STAB1: variants seen among roughly 807,000 people sequenced by gnomAD.
The protein encoded by STAB1 is stabilin-1.
STAB1 carries 250 observed loss-of-function variants against 332.4 expected under a neutral mutation model. That is an observed-to-expected ratio of 0.75 (90% CI 0.68 to 0.84). STAB1 has a LOEUF of 0.84. Ranked by LOEUF, STAB1 falls within the 40% of genes least tolerant of loss-of-function variation. The probability of loss-of-function intolerance (pLI) is 0.00; values close to 1 mark genes in which losing one functional copy is unlikely to be tolerated. For synonymous variants in STAB1, 1,475 were observed against 1,390.4 expected (o/e 1.06, Z -1.35); for missense variants, 3,249 against 3,489.7 (o/e 0.93, Z 1.74).
At position 52,516,108 on chromosome 3, in the gene STAB1, G is replaced by A. The variant is rs767729734; in HGVS notation, c.4014G>A (p.Gly1338=). 7.1e-5 allele frequency: 115 copies of A among 1,611,780 alleles called. No homozygotes were observed. The highest frequency in any genetic ancestry group is 9.4e-5 in the Non-Finnish European group (111 of 1,179,562). ...LCEPCPGGLG[G]VCSGHGQCQD... ...AGCCATGCCCAGGGGGTCTAGGGGG[G>A]GTGTGCTCAGGCCATGGGCAGTGCC... is the stretch of plus-strand genomic sequence containing the variant. The change falls in exon 38 of 69, where the codon GGG becomes GGA. Residue 1338 remains glycine (G), a synonymous_variant. Coordinates refer to ENST00000321725, the MANE Select transcript of STAB1 (RefSeq NM_015136.3).
At chr3:52,496,180 G>A (rs1475530523) in intron 1 of STAB1, among the ~76,000 whole-genome samples, 1 of 152,162 alleles carries the variant, frequency 6.6e-6, no homozygotes, top group African/African-American at 2.4e-5. Flanking sequence ...GTGTGCTGGC[G>A]AGCAGACAGG....
At position 52,502,712 on chromosome 3, in the gene STAB1, C is replaced by T. The variant is rs1233430869; in HGVS notation, c.568C>T (p.Pro190Ser). 2 of 1,613,524 alleles carry T rather than the reference C, an allele frequency of 1.2e-6. No homozygotes were observed. The highest frequency in any genetic ancestry group is 1.7e-6 in the Non-Finnish European group (2 of 1,179,770). ...CCTGTGCTTTGCTGGATACACTGGC[C>T]CCCACTGTGATCAAGGTGAGCAGCG... is the stretch of plus-strand genomic sequence containing the variant. ...SCLCFAGYTGPHCDQELPVCQ... is the reference protein window; with the variant it reads ...SCLCFAGYTGSHCDQELPVCQ... The change falls in exon 6 of 69, where the codon CCC (proline) becomes TCC (serine). Residue 190 changes from proline (P) to serine (S), a missense_variant. Pro to Ser is a moderately conservative substitution (Grantham distance 74). Transcript: ENST00000321725.
At chr3:52,500,482 G>T (rs1708364157) in intron 1 of STAB1, among the ~76,000 whole-genome samples, 1 of 152,256 alleles carries the variant, frequency 6.6e-6, no homozygotes, top group Non-Finnish European at 1.5e-5. Context: ...AGGGCCCTTA[G>T]TCTCTGATTC....
intron 5 of STAB1, 82 bp downstream of exon 5, chr3:52,502,310 C>G: frequency 6.9e-7 from 1 of 1,452,112 alleles, no homozygotes; most frequent in Non-Finnish European, 9.4e-7. Context: ...CCAGCTCCCA[C>G]CTGTCCCTTC....
intron 61 of STAB1, 42 bp downstream of exon 61, chr3:52,522,730 C>A: frequency 1.9e-6 from 3 of 1,612,774 alleles, no homozygotes; most frequent in Non-Finnish European, 2.5e-6. Flanking sequence ...TTGGGGGAGG[C>A]CTTGACTGGG....
At chr3:52,522,532 C>T (rs751364186) in intron 60 of STAB1, 23 bp from the exon 61 acceptor site, 22 of 1,613,086 alleles carry the variant, frequency 1.4e-5, no homozygotes, top group Non-Finnish European at 1.9e-5. Context: ...GGCCAGCTGA[C>T]CATGCACCCC....
rs374590616 is a variant in STAB1 at position 52,504,449 on chromosome 3, C to G, written c.1151-12C>G. The G allele has an allele frequency of 2.5e-6, 4 of 1,613,804 alleles. No individual in the cohort carries two copies. The highest frequency in any genetic ancestry group is 3.4e-6 in the Non-Finnish European group (4 of 1,179,834). ...CAGCTCCCTTCTGATGCTCCCTCAC[C>G]CTGCCCCCCAGACCAGGGCTGCCGG... On this transcript the variant is annotated splice_polypyrimidine_tract_variant and intron_variant, in intron 10 of 68. Coordinates refer to ENST00000321725, the MANE Select transcript of STAB1 (RefSeq NM_015136.3).
intron 3 of STAB1, 37 bp downstream of exon 3, chr3:52,501,790 A>T (rs368197451): frequency 1.3e-6 from 2 of 1,537,198 alleles, no homozygotes; most frequent in Admixed American, 3.9e-5. Flanking sequence ...TGCGCCTCCC[A>T]CCCAGCCCCA....
chr3:52,496,927 C>T (rs1708071326), intron 1 of STAB1, among the ~76,000 whole-genome samples: 1 of 152,242 alleles, frequency 6.6e-6, no homozygotes, highest in Non-Finnish European at 1.5e-5. Flanking sequence ...TGTATCTGTG[C>T]ACCCTGTACT....
rs370419182 is a variant in STAB1, at chr3:52,509,970, C to T, written c.2448C>T (p.Asn816=). 27 of 1,611,972 alleles carry T rather than the reference C, an allele frequency of 1.7e-5. 1 individual carries two copies. Among genetic ancestry groups the T allele is most frequent in the East Asian group, 8.9e-5 (4 of 44,874 alleles). Reference sequence around the variant, plus strand: ...CTGGCTTCAGTGGCCGGTTCTGCAACGAGTCCATGGGGGACTGTGGGCCCA... The same window carrying T: ...CTGGCTTCAGTGGCCGGTTCTGCAATGAGTCCATGGGGGACTGTGGGCCCA... ...CAPGFSGRFC[N]ESMGDCGPTG... Residue 816 remains asparagine (N), a synonymous_variant, in exon 23 of 69, where the codon AAC becomes AAT. Coordinates refer to ENST00000321725, the MANE Select transcript of STAB1 (RefSeq NM_015136.3).
rs769389908 is a variant in STAB1 at position 52,504,730 on chromosome 3, C to G, written c.1240-9C>G. 6.2e-7 allele frequency: 1 copy of G among 1,613,534 alleles called. No homozygotes were observed. The highest frequency in any genetic ancestry group is 1.3e-5 in the African/African-American group (1 of 74,952). On this transcript the variant is annotated splice_polypyrimidine_tract_variant and intron_variant, in intron 11 of 68. Coordinates refer to ENST00000321725, the MANE Select transcript of STAB1 (RefSeq NM_015136.3). ...CCGGCTCACTTTGCTCCCCGCCTTG[C>G]GTCTGCAGGCATCCCTTGCCCAGCA...
Position 52,522,445 on chromosome 3 carries a change from A to C in STAB1, c.6581A>C (p.Asp2194Ala). ...GGCCAGCCACCGCCCTGCCACTCAG[A>C]TGCCATGTGCACTGACCTGCACTTC... ...CLGQPPPCHS[D>A]AMCTDLHFQE... The change falls in exon 60 of 69, where the codon GAT becomes GCT. Residue 2194 changes from aspartate to alanine, a missense_variant. Transcript: ENST00000321725. 4 of 1,613,142 alleles carry C rather than the reference A, an allele frequency of 2.5e-6. No homozygotes were observed. The highest frequency in any genetic ancestry group is 3.4e-6 in the Non-Finnish European group (4 of 1,180,008).
At chr3:52,501,804 C>A in intron 3 of STAB1, 51 bp downstream of exon 3, 1 of 1,521,928 alleles carries the variant, frequency 6.6e-7, no homozygotes. Flanking sequence ...AGCCCCAGCT[C>A]TGGGCAAGCC....
intron 35 of STAB1, 75 bp downstream of exon 35, chr3:52,514,904 G>A: frequency 6.2e-7 from 1 of 1,612,540 alleles, no homozygotes; most frequent in African/African-American, 1.3e-5. Flanking sequence ...TGACTAGTGG[G>A]GAGGGGCGCA....
At chr3:52,524,249 G>A (rs776352686) in intron 68 of STAB1, 36 bp downstream of exon 68, 3 of 1,613,962 alleles carry the variant, frequency 1.9e-6, no homozygotes, top group South Asian at 2.2e-5. Context: ...GCAGATGTGG[G>A]ATGGGCCCAG....
In STAB1 at chr3:52,524,174, C is replaced by A; in HGVS notation, c.7617C>A (p.Asn2539Lys). 6.2e-7 allele frequency: 1 copy of A among 1,614,100 alleles called. No homozygotes were observed. Among genetic ancestry groups the A allele is most frequent in the Non-Finnish European group, 8.5e-7 (1 of 1,180,036 alleles). The change falls in exon 68 of 69, where the codon AAC becomes AAA. Residue 2539 changes from asparagine to lysine, a missense_variant. Transcript: ENST00000321725. ...GTNPTLVSVP[N>K]PVFGSDTFCE... ...ACCCCACCCTGGTCTCTGTCCCCAA[C>A]CCTGTCTTTGGCAGCGACACCTTTT...
chr3:52,514,595 A>T, intron 34 of STAB1, 99 bp downstream of exon 34: 1 of 1,570,364 alleles, frequency 6.4e-7, no homozygotes, highest in South Asian at 1.2e-5. Context: ...CCAACCTCTA[A>T]CCTCTGCTCC....
rs1187788488 is a variant in STAB1, at chr3:52,504,016, C to T, written c.1023-12C>T. ...CAGCCTCCGCCCTGACTGGCTCTCC[C>T]TGGGAGCCCAGCTGTGTGTGCAGGG... is the stretch of plus-strand genomic sequence containing the variant. On this transcript the variant is annotated splice_polypyrimidine_tract_variant and intron_variant, in intron 9 of 68. Coordinates refer to ENST00000321725, the MANE Select transcript of STAB1 (RefSeq NM_015136.3). The T allele has an allele frequency of 3.7e-6, 6 of 1,607,072 alleles. No homozygotes were observed. The highest frequency in any genetic ancestry group is 4.2e-6 in the Non-Finnish European group (5 of 1,177,284).
chr3:52,500,136 G>A (rs1354716132), intron 1 of STAB1, among the ~76,000 whole-genome samples: 3 of 152,038 alleles, frequency 2.0e-5, no homozygotes, highest in Non-Finnish European at 2.9e-5. Flanking sequence ...CCAGGTTTAC[G>A]GAGCTCCTGC....
Sources: allele counts gnomAD v4.1 joint callset (sites outside exome capture counted in the v4.1 genomes callset), GRCh38; gene constraint gnomAD v4.1.1; transcripts MANE v1.5; gene names NCBI Gene and HGNC (gene_info 2026-07-23, HGNC 2026-07-21).